Variants in ZCCHC7 observed in about 807,000 individuals in gnomAD.
The protein encoded by ZCCHC7 is zinc finger CCHC-type containing 7, also known as zinc finger CCHC domain-containing protein 7.
In ZCCHC7, 35 loss-of-function variants were observed where a neutral mutation model predicts 52.0. The ratio of observed to expected loss-of-function variants is 0.67; its 90% CI spans 0.51 to 0.89. ZCCHC7 has a LOEUF of 0.89. Ranked by LOEUF, ZCCHC7 falls within the 40% of genes least tolerant of loss-of-function variation. The pLI, the probability that ZCCHC7 is intolerant of heterozygous loss-of-function variation, is 0.00. For missense variants in ZCCHC7, 574 were observed against 649.1 expected (o/e 0.88, Z 1.26); for synonymous variants, 217 against 221.5 (o/e 0.98, Z 0.18).
At chr9:37,277,327 A>T (rs1827729434) in intron 2 of ZCCHC7, among the ~76,000 whole-genome samples, 1 of 152,126 alleles carries the variant, frequency 6.6e-6, no homozygotes, top group African/African-American at 2.4e-5. Flanking sequence ...CACATAATTG[A>T]AAGCACACTT....
intron 2 of ZCCHC7, among the ~76,000 whole-genome samples, chr9:37,243,112 T>C (rs1825944009): frequency 6.6e-6 from 1 of 151,848 alleles, no homozygotes. Context: ...GGCTAAAACA[T>C]AGTTAAGAAT....
intron 2 of ZCCHC7, among the ~76,000 whole-genome samples, chr9:37,288,292 AAATC>A (rs1189119502): frequency 6.6e-6 from 1 of 151,162 alleles, no homozygotes; most frequent in African/African-American, 2.4e-5. Context: ...AAAAAAAAAA[AAATC>A]TATCTATCTA....
intron 2 of ZCCHC7, among the ~76,000 whole-genome samples, chr9:37,213,888 A>C (rs1824367988): frequency 6.6e-6 from 1 of 152,096 alleles, no homozygotes; most frequent in African/African-American, 2.4e-5. Context: ...GGCTCAGTGC[A>C]GAGTAAATCA....
chr9:37,326,557 T>C (rs992786152), intron 5 of ZCCHC7, among the ~76,000 whole-genome samples: 1 of 151,744 alleles, frequency 6.6e-6, no homozygotes, highest in Non-Finnish European at 1.5e-5. Context: ...GCGTAAAGGA[T>C]AAAATTTTTC....
intron 2 of ZCCHC7, among the ~76,000 whole-genome samples, chr9:37,153,413 C>T (rs987191607): frequency 2.0e-5 from 3 of 152,046 alleles, no homozygotes; most frequent in Admixed American, 6.5e-5. Context: ...TCAGGTGATC[C>T]GCCAGTCTCA....
chr9:37,338,561 C>T (rs1395031787), intron 6 of ZCCHC7, among the ~76,000 whole-genome samples: 1 of 152,100 alleles, frequency 6.6e-6, no homozygotes, highest in African/African-American at 2.4e-5. Flanking sequence ...GAGGAAGTTA[C>T]AGAGATACAG....
chr9:37,130,469 G>A (rs1307236235), intron 2 of ZCCHC7, among the ~76,000 whole-genome samples: 3 of 145,668 alleles, frequency 2.1e-5, no homozygotes, highest in Non-Finnish European at 1.5e-5. Flanking sequence ...GAGTGCAGGT[G>A]TGAACACAGC....
intron 2 of ZCCHC7, among the ~76,000 whole-genome samples, chr9:37,168,238 G>A (rs35658342): frequency 6.6e-6 from 1 of 152,072 alleles, no homozygotes; most frequent in Non-Finnish European, 1.5e-5. Context: ...TTAATGTCTC[G>A]TGTTTTAAAC....
chr9:37,293,315 A>G (rs1828624329), intron 2 of ZCCHC7, among the ~76,000 whole-genome samples: 1 of 152,212 alleles, frequency 6.6e-6, no homozygotes, highest in Admixed American at 6.5e-5. Context: ...AGAGAACCAG[A>G]CACTGGAGAA....
At chr9:37,338,219 T>C (rs1292407921) in intron 6 of ZCCHC7, among the ~76,000 whole-genome samples, 1 of 152,184 alleles carries the variant, frequency 6.6e-6, no homozygotes, top group Admixed American at 6.6e-5. Context: ...GGTTATAAAT[T>C]AATAAGCTTA....
At chr9:37,153,154 A>G (rs1365110858) in intron 2 of ZCCHC7, among the ~76,000 whole-genome samples, 1 of 149,566 alleles carries the variant, frequency 6.7e-6, no homozygotes, top group African/African-American at 2.5e-5. Context: ...TTTATTTACT[A>G]TTATTATTGA....
At chr9:37,300,730 A>G (rs1311810132) in intron 2 of ZCCHC7, among the ~76,000 whole-genome samples, 2 of 152,228 alleles carry the variant, frequency 1.3e-5, no homozygotes, top group Non-Finnish European at 2.9e-5. Flanking sequence ...AGGTAGGAGG[A>G]CAGAGGAAAT....
At position 37,357,060 on chromosome 9, in the gene ZCCHC7, G is replaced by A; in HGVS notation, c.1424G>A (p.Arg475Lys). The change falls in exon 9 of 9, where the codon AGG becomes AAG. Residue 475 changes from arginine to lysine, a missense_variant. Arg to Lys is a conservative substitution (Grantham distance 26, BLOSUM62 2). This residue lies in a region of ZCCHC7 where 168 missense variants were observed against 171.6 expected (regional missense o/e 0.98). Transcript: ENST00000336755. Reference sequence around the variant, plus strand: ...CGTGAAGTGGATGAGGATTTTCCCAGGGGCCCCAAAACCTACTCTTCTCCT... The same window carrying A: ...CGTGAAGTGGATGAGGATTTTCCCAAGGGCCCCAAAACCTACTCTTCTCCT... ...RHREVDEDFP[R>K]GPKTYSSPGS... 6.2e-7 allele frequency: 1 copy of A among 1,613,758 alleles called. No individual in the cohort carries two copies. Among genetic ancestry groups the A allele is most frequent in the Non-Finnish European group, 8.5e-7 (1 of 1,179,928 alleles).
At chr9:37,193,036 T>TG (rs1322690482) in intron 2 of ZCCHC7, among the ~76,000 whole-genome samples, 1 of 152,170 alleles carries the variant, frequency 6.6e-6, no homozygotes, top group African/African-American at 2.4e-5. Flanking sequence ...GGTGCAACTT[T>TG]GGGGCTATTT....
chr9:37,299,661 A>G (rs1828942145), intron 2 of ZCCHC7, among the ~76,000 whole-genome samples: 1 of 152,238 alleles, frequency 6.6e-6, no homozygotes, highest in Non-Finnish European at 1.5e-5. Flanking sequence ...TACTAGGTTC[A>G]AATCAAAACT....
chr9:37,356,732 T>A (rs1296490507), intron 8 of ZCCHC7, 103 bp from the exon 9 acceptor site: 4 of 1,104,816 alleles, frequency 3.6e-6, no homozygotes, highest in Non-Finnish European at 5.1e-6. Flanking sequence ...GTTAACATGT[T>A]TAAATATCTA....
At chr9:37,183,232 CAG>C (rs1268491850) in intron 2 of ZCCHC7, among the ~76,000 whole-genome samples, 1 of 152,122 alleles carries the variant, frequency 6.6e-6, no homozygotes, top group Non-Finnish European at 1.5e-5. Flanking sequence ...TAATACATAA[CAG>C]TACATTGTAT....
intron 2 of ZCCHC7, among the ~76,000 whole-genome samples, chr9:37,258,908 A>G (rs1826730694): frequency 6.6e-6 from 1 of 152,106 alleles, no homozygotes; most frequent in Non-Finnish European, 1.5e-5. Flanking sequence ...ATTGTAGCAC[A>G]GAAGTTAAAG....
intron 1 of ZCCHC7, among the ~76,000 whole-genome samples, chr9:37,121,406 A>G (rs534160588): frequency 6.6e-6 from 1 of 152,276 alleles, no homozygotes; most frequent in Admixed American, 6.5e-5. Flanking sequence ...TTCTCCAACT[A>G]TAAAACGAGA....
Sources: allele counts gnomAD v4.1 joint callset (sites outside exome capture counted in the v4.1 genomes callset), GRCh38; gene constraint gnomAD v4.1.1; regional missense constraint gnomAD v4.1.1; transcripts MANE v1.5; gene names NCBI Gene and HGNC (gene_info 2026-07-23, HGNC 2026-07-21).